SLC29A4: variants seen among roughly 807,000 people sequenced by gnomAD.
SLC29A4 encodes the protein solute carrier family 29 member 4.
A neutral mutation model predicts 43.9 loss-of-function variants in SLC29A4; 36 were observed. That is an observed-to-expected ratio of 0.82 (90% CI 0.63 to 1.08). SLC29A4 has a LOEUF of 1.08. Ranked by LOEUF, SLC29A4 falls within the 50% of genes least tolerant of loss-of-function variation. The pLI is 0.00. For synonymous variants in SLC29A4, 491 were observed against 338.0 expected, an observed-to-expected ratio of 1.45 and a Z score of -4.97; for missense variants, 869 against 755.3, an observed-to-expected ratio of 1.15 and a Z score of -1.77.
rs1786405285 is a variant in SLC29A4, at chr7:5,304,935, G to C, written c.*1996G>C. ...GGGCTCCAGTGATCCTCCCACCTCA[G>C]CCTCCCAAATAGCTGTGAATACAGG... On this transcript the variant is annotated 3_prime_UTR_variant, in exon 11 of 11. Coordinates refer to ENST00000396872, the MANE Select transcript of SLC29A4 (RefSeq NM_153247.4). 6.6e-6 allele frequency: 1 copy of C among 152,250 alleles called. No homozygotes were observed. 9.4% of individuals were successfully genotyped at this position (152,250 alleles called of 1,614,324 possible).
chr7:5,299,036 C>G lies in SLC29A4; in HGVS notation c.931C>G (p.Pro311Ala), dbSNP rs1469968607. The change falls in exon 8 of 11, where the codon CCA (proline) becomes GCA (alanine). Residue 311 changes from proline to alanine, a missense_variant. Pro to Ala is a conservative substitution (Grantham distance 27). Transcript: ENST00000396872. ...CCCCAACGAGTCCCCAAAGGACAGC[C>G]CAGCCCACGAGGTGACCGGCAGCGG... Reference protein sequence around the residue: ...LAPNESPKDSPAHEVTGSGGA... With the variant: ...LAPNESPKDSAAHEVTGSGGA... 4.3e-6 allele frequency: 7 copies of G among 1,612,102 alleles called. No individual in the cohort carries two copies. The highest frequency in any genetic ancestry group is 5.9e-6 in the Non-Finnish European group (7 of 1,179,908).
At chr7:5,299,193 G>T (rs1453485363) in intron 8 of SLC29A4, 47 bp from the exon 9 acceptor site, 1 of 1,598,758 alleles carries the variant, frequency 6.3e-7, no homozygotes, top group Non-Finnish European at 8.5e-7. Context: ...GAGGCAGGCA[G>T]GGGTCCCCGT....
intron 6 of SLC29A4, among the ~76,000 whole-genome samples, chr7:5,296,037 C>T (rs1310077915): frequency 2.0e-5 from 3 of 152,094 alleles, no homozygotes; most frequent in African/African-American, 7.2e-5. Context: ...ACCCCAAGGC[C>T]CTCCCTCCCG....
chr7:5,283,135 C>T (rs1209370952), intron 1 of SLC29A4, 53 bp downstream of exon 1: 1 of 149,792 alleles, frequency 6.7e-6, no homozygotes, highest in Non-Finnish European at 1.5e-5. Context: ...CTGTCGGAGC[C>T]TTTGTCTGCG....
At chr7:5,288,459 C>G (rs774466957) in intron 2 of SLC29A4, among the ~76,000 whole-genome samples, 1 of 151,910 alleles carries the variant, frequency 6.6e-6, no homozygotes, top group Non-Finnish European at 1.5e-5. Context: ...TGCCTGCCAC[C>G]GTGCCCAGCT....
intron 6 of SLC29A4, among the ~76,000 whole-genome samples, chr7:5,295,725 TC>T (rs145386036): frequency 0.23 from 34,917 of 151,806 alleles, 4,247 homozygotes; most frequent in Non-Finnish European, 0.26. Flanking sequence ...TCTGCAACCC[TC>T]TGCCTGGTGC....
intron 5 of SLC29A4, 90 bp from the exon 6 acceptor site, chr7:5,294,770 T>C (rs1300226570): frequency 2.2e-6 from 3 of 1,354,278 alleles, no homozygotes; most frequent in Non-Finnish European, 3.2e-6. Flanking sequence ...TTACGCACCC[T>C]CGTCCACCAA....
intron 10 of SLC29A4, among the ~76,000 whole-genome samples, chr7:5,302,060 C>T (rs560799889): frequency 6.6e-6 from 1 of 152,344 alleles, no homozygotes; most frequent in East Asian, 1.9e-4. Flanking sequence ...AAGCAATTCT[C>T]ATGCCTCAGC....
At position 5,303,192 on chromosome 7, in the gene SLC29A4, C is replaced by T. The variant is rs1433956364; in HGVS notation, c.*253C>T. ...TGTTCTGCGTTTGGTCTCATACCTG[C>T]GTCTACCTTCCATCTGTGTCCAGCG... On this transcript the variant is annotated 3_prime_UTR_variant, in exon 11 of 11. Transcript: ENST00000396872. The T allele has an allele frequency of 1.4e-5, 8 of 566,988 alleles. No homozygotes were observed. The highest frequency in any genetic ancestry group is 4.7e-4 in the Middle Eastern group (1 of 2,120). The allele number at this position is 566,988 out of a possible 1,614,324, so 35.1% of individuals were successfully genotyped here. A position where few individuals can be genotyped will look rare whatever the true frequency, so the allele number is the denominator to read the frequency against.
intron 10 of SLC29A4, among the ~76,000 whole-genome samples, chr7:5,302,551 A>G (rs1025287372): frequency 6.6e-6 from 1 of 152,132 alleles, no homozygotes; most frequent in African/African-American, 2.4e-5. Context: ...TTTAAATTTT[A>G]AAAATGGGGG....
chr7:5,298,444 C>G (rs976961886), intron 7 of SLC29A4, among the ~76,000 whole-genome samples: 2 of 152,058 alleles, frequency 1.3e-5, no homozygotes, highest in Non-Finnish European at 2.9e-5. Flanking sequence ...TTGGTTTGGT[C>G]AGAGGCTGGT....
chr7:5,290,296 C>G (rs1173732686), intron 2 of SLC29A4, among the ~76,000 whole-genome samples: 1 of 152,110 alleles, frequency 6.6e-6, no homozygotes, highest in East Asian at 1.9e-4. Flanking sequence ...ATCTCCTGAC[C>G]TCGTGATCCG....
intron 9 of SLC29A4, among the ~76,000 whole-genome samples, chr7:5,299,980 A>G (rs1427750166): frequency 1.3e-5 from 2 of 152,184 alleles, no homozygotes; most frequent in Admixed American, 6.6e-5. Context: ...TGAACCCAGG[A>G]GGTGGAGGGT....
rs769433504 is a variant in SLC29A4, at chr7:5,287,968, C to T, written c.152C>T (p.Pro51Leu). Residue 51 changes from proline (P) to leucine (L), a missense_variant, in exon 2 of 11, where the codon CCA (proline) becomes CTA (leucine). Coordinates refer to ENST00000396872, the MANE Select transcript of SLC29A4 (RefSeq NM_153247.4). ...CAGGGCCTTAGGGCCAGGGGCGTCC[C>T]AGCTTTCACGGATACTAGTAAGTAG... ...QGQGLRARGV[P>L]AFTDTTLDEP... 6.2e-7 allele frequency: 1 copy of T among 1,609,088 alleles called. No individual in the cohort carries two copies. The highest frequency in any genetic ancestry group is 1.3e-5 in the African/African-American group (1 of 74,700).
intron 10 of SLC29A4, among the ~76,000 whole-genome samples, chr7:5,302,457 C>T (rs925551157): frequency 3.3e-5 from 5 of 152,120 alleles, no homozygotes; most frequent in Admixed American, 2.0e-4. Context: ...GTGGGAGGAT[C>T]GCGTGAGCCC....
chr7:5,286,479 C>G (rs934657980), intron 1 of SLC29A4, among the ~76,000 whole-genome samples: 8 of 151,130 alleles, frequency 5.3e-5, no homozygotes, highest in African/African-American at 2.0e-4. Context: ...GCCAAGATTG[C>G]TCCACTGCAC....
intron 6 of SLC29A4, among the ~76,000 whole-genome samples, chr7:5,295,150 CAT>C (rs1212954533): frequency 7.2e-5 from 11 of 152,138 alleles, no homozygotes; most frequent in Non-Finnish European, 1.0e-4. Context: ...TGGGCCCACA[CAT>C]GTGTGTGCTG....
Position 5,306,877 on chromosome 7 carries a change from T to A in SLC29A4, c.*3938T>A, listed in dbSNP as rs1356230018. ...AACAAACAAAATTCCAAAAGAAACATAAAAAAAAAAACCAATAATTCCCCC... is the reference window on the plus strand; with the variant it reads ...AACAAACAAAATTCCAAAAGAAACAAAAAAAAAAAAACCAATAATTCCCCC... On this transcript the variant is annotated 3_prime_UTR_variant, in exon 11 of 11. Transcript: ENST00000396872. 3.4e-5 allele frequency: 5 copies of A among 146,972 alleles called. No homozygotes were observed. The highest frequency in any genetic ancestry group is 2.1e-4 in the South Asian group (1 of 4,710). The allele number at this position is 146,972 out of a possible 1,614,324, so 9.1% of individuals were successfully genotyped here.
intron 2 of SLC29A4, among the ~76,000 whole-genome samples, chr7:5,288,298 CTTTTTTTTTT>C (rs34436127): frequency 2.9e-5 from 2 of 68,756 alleles, no homozygotes; most frequent in African/African-American, 1.2e-4. Context: ...CGTACAGCTT[CTTTTTTTTTT>C]TTTTTTTTTT....
Sources: allele counts gnomAD v4.1 joint callset (sites outside exome capture counted in the v4.1 genomes callset), GRCh38; gene constraint gnomAD v4.1.1; transcripts MANE v1.5; gene names NCBI Gene and HGNC (gene_info 2026-07-23, HGNC 2026-07-21).